Variants in ERCC2 observed in about 807,000 individuals in gnomAD.
ERCC2 encodes general transcription and DNA repair factor IIH helicase subunit XPD.
A neutral mutation model predicts 99.4 loss-of-function variants in ERCC2; 90 were observed. The ratio of observed to expected loss-of-function variants is 0.91; its 90% CI spans 0.76 to 1.08. The LOEUF is 1.08. ERCC2 is among the 50% of genes least tolerant of loss of function. The probability of loss-of-function intolerance (pLI) is 0.00; values close to 1 mark genes in which losing one functional copy is unlikely to be tolerated. For missense variants in ERCC2, 993 were observed against 1,038.1 expected (o/e 0.96, Z 0.60); for synonymous variants, 497 against 432.4 (o/e 1.15, Z -1.85).
chr19:45,355,544 G>A, intron 16 of ERCC2, 121 bp downstream of exon 16: 1 of 941,466 alleles, frequency 1.1e-6, no homozygotes, highest in South Asian at 1.3e-5. Flanking sequence ...CGGGCAAGAA[G>A]GAAACTCTGG....
rs1189623081 is a variant in ERCC2 at position 45,351,045 on chromosome 19, G to A, written c.*584C>T. The A allele has an allele frequency of 6.2e-7, 1 of 1,613,920 alleles. No homozygotes were observed. The highest frequency in any genetic ancestry group is 1.3e-5 in the African/African-American group (1 of 74,922). ...GAGGGGGACATCTGGGTCAAAAATA[G>A]AGGAGGCCATGTGGGTAGGTGCAGA... On this transcript the variant is annotated 3_prime_UTR_variant, in exon 23 of 23. Transcript: ENST00000391945.
At chr19:45,359,359 C>T (rs776356716) in intron 12 of ERCC2, among the ~76,000 whole-genome samples, 7 of 152,136 alleles carry the variant, frequency 4.6e-5, no homozygotes, top group East Asian at 1.9e-4. Flanking sequence ...AGCAGCCAGC[C>T]GGCCTCGCTA....
In ERCC2 at chr19:45,351,187, G is replaced by A. The variant is rs1483972960; in HGVS notation, c.*442C>T. The A allele has an allele frequency of 4.4e-6, 7 of 1,585,654 alleles. No homozygotes were observed. The highest frequency in any genetic ancestry group is 6.0e-6 in the Non-Finnish European group (7 of 1,165,590). Reference sequence around the variant, plus strand: ...GTTTTACTTGGGGTAGAGGCGAGGGGGTTGGATAGTTGGCTGCCAGGCTGG... The same window carrying A: ...GTTTTACTTGGGGTAGAGGCGAGGGAGTTGGATAGTTGGCTGCCAGGCTGG... On this transcript the variant is annotated 3_prime_UTR_variant, in exon 23 of 23. Transcript: ENST00000391945.
In ERCC2 at chr19:45,352,739, T is replaced by C. The variant is rs764945598; in HGVS notation, c.1902+7A>G. The C allele has an allele frequency of 8.7e-6, 14 of 1,613,974 alleles. No individual in the cohort carries two copies. The highest frequency in any genetic ancestry group is 1.2e-5 in the Non-Finnish European group (14 of 1,179,938). ...TGTGGGACTCCCTGGGAGACAGAGC[T>C]ACTCACCTTGAGAATGCGGCTCTGT... On this transcript the variant is annotated splice_region_variant and intron_variant, in intron 20 of 22. Coordinates refer to ENST00000391945, the MANE Select transcript of ERCC2 (RefSeq NM_000400.4).
intron 12 of ERCC2, among the ~76,000 whole-genome samples, chr19:45,361,107 G>GC: frequency 6.7e-6 from 1 of 149,752 alleles, no homozygotes; most frequent in Non-Finnish European, 1.5e-5. Flanking sequence ...CTCCAGCCTG[G>GC]CAACAGAGCA....
Position 45,353,073 on chromosome 19 carries a change from G to A in ERCC2, c.1831+10C>T, listed in dbSNP as rs1165860112. The A allele has an allele frequency of 6.2e-7, 1 of 1,611,268 alleles. No individual in the cohort carries two copies. The highest frequency in any genetic ancestry group is 1.7e-5 in the Admixed American group (1 of 60,004). The stretch of plus-strand genomic sequence containing the variant: ...AAGACACCTGGGGAGGAAGAGCCCA[G>A]TCCACTCACCAAAGTCGATTCCCTC... On this transcript the variant is annotated intron_variant, in intron 19 of 22. Transcript: ENST00000391945.
intron 2 of ERCC2, among the ~76,000 whole-genome samples, chr19:45,369,841 A>G (rs1972545604): frequency 6.6e-6 from 1 of 151,898 alleles, no homozygotes; most frequent in Admixed American, 6.6e-5. Flanking sequence ...ACACCTGGCT[A>G]ATTTTTGTAT....
In ERCC2 at chr19:45,349,889, C is replaced by T. The variant is rs1426936919; in HGVS notation, c.*1740G>A. 22 of 470,784 alleles carry T rather than the reference C, an allele frequency of 4.7e-5. No homozygotes were observed. The highest frequency in any genetic ancestry group is 1.9e-4 in the South Asian group (6 of 31,240). 29.2% of individuals were successfully genotyped at this position (470,784 alleles called of 1,614,324 possible). ...ACTGTGGCCGGCTCCCCTCTTAGCC[C>T]GGTCCCCACATCGCTAGTTCTTATA... On this transcript the variant is annotated 3_prime_UTR_variant, in exon 23 of 23. Coordinates refer to ENST00000391945, the MANE Select transcript of ERCC2 (RefSeq NM_000400.4).
intron 22 of ERCC2, among the ~76,000 whole-genome samples, 155 bp downstream of exon 22, chr19:45,352,054 C>G (rs1270335414): frequency 6.6e-6 from 1 of 152,164 alleles, no homozygotes; most frequent in Admixed American, 6.5e-5. Flanking sequence ...TCCCCCTTCC[C>G]CCCAGAGCCT....
intron 2 of ERCC2, 136 bp downstream of exon 2, chr19:45,369,997 A>T (rs1254893370): frequency 2.6e-6 from 2 of 757,854 alleles, no homozygotes; most frequent in Non-Finnish European, 4.3e-6. Flanking sequence ...ATTGTTTTAG[A>T]TAACGGAAGA....
Position 45,350,632 on chromosome 19 carries a change from C to T in ERCC2, c.*997G>A. 6.2e-7 allele frequency: 1 copy of T among 1,613,270 alleles called. No homozygotes were observed. The highest frequency in any genetic ancestry group is 8.5e-7 in the Non-Finnish European group (1 of 1,179,400). ...GGGGGACTGAGCAGCATCCCCGGCC[C>T]CTCCCCAGGCCCTTCGCCGCAGCAG... On this transcript the variant is annotated 3_prime_UTR_variant, in exon 23 of 23. Transcript: ENST00000391945.
At chr19:45,361,452 C>T in intron 12 of ERCC2, 72 bp downstream of exon 12, 1 of 1,113,258 alleles carries the variant, frequency 9.0e-7, no homozygotes, top group Non-Finnish European at 1.4e-6. Context: ...TGCCAACAAC[C>T]CTCTAGACCC....
Position 45,370,548 on chromosome 19 carries a change from G to A in ERCC2, c.-8C>T, listed in dbSNP as rs200753327. 25 of 1,593,064 alleles carry A rather than the reference G, an allele frequency of 1.6e-5. 1 individual carries two copies. The highest frequency in any genetic ancestry group is 1.7e-4 in the Middle Eastern group (1 of 5,894). ...GCCCCCTTCTCACTTCATGGCGCCG[G>A]CCGGACTGTGCAGCGGGGTCGACCC... is the stretch of plus-strand genomic sequence containing the variant. On this transcript the variant is annotated 5_prime_UTR_variant, in exon 1 of 23. Transcript: ENST00000391945.
Position 45,355,693 on chromosome 19 carries a change from G to T in ERCC2, c.1515C>A (p.Ser505Arg). 3 of 1,614,226 alleles carry T rather than the reference G, an allele frequency of 1.9e-6. No individual in the cohort carries two copies. Among genetic ancestry groups the T allele is most frequent in the Non-Finnish European group, 2.5e-6 (3 of 1,180,042 alleles). The change falls in exon 16 of 23, where the codon AGC becomes AGA. Residue 505 changes from serine to arginine, a missense_variant. Physicochemically the swap from Ser to Arg is moderately radical, Grantham distance 110 (BLOSUM62 -1). Transcript: ENST00000391945. ...IGRGNDQVAI[S>R]SKFETREDIA... is the part of the protein sequence containing the mutation. ...TATCCTCCCGGGTCTCAAATTTGGAGCTGATGGCCACCTGGTCATTGCCAC... is the reference window on the plus strand; with the variant it reads ...TATCCTCCCGGGTCTCAAATTTGGATCTGATGGCCACCTGGTCATTGCCAC...
intron 5 of ERCC2, among the ~76,000 whole-genome samples, chr19:45,365,824 TTACAAC>T (rs1275883770): frequency 5.3e-5 from 8 of 152,082 alleles, no homozygotes; most frequent in East Asian, 1.9e-4. Flanking sequence ...TGTTACATTC[TTACAAC>T]TACAAGTTAT....
intron 12 of ERCC2, chr19:45,359,083 A>G: frequency 1.7e-6 from 1 of 596,832 alleles, no homozygotes; most frequent in Non-Finnish European, 3.0e-6. Context: ...GATAGTGATG[A>G]CTGAGAGTGG....
At position 45,364,387 on chromosome 19, in the gene ERCC2, G is replaced by A. The variant is rs201035319; in HGVS notation, c.718+37C>T. 7 of 1,613,900 alleles carry A rather than the reference G, an allele frequency of 4.3e-6. No homozygotes were observed. The East Asian group carries it at 1.1e-4, about 26-fold the overall frequency. On this transcript the variant is annotated intron_variant, in intron 8 of 22. Coordinates refer to ENST00000391945, the MANE Select transcript of ERCC2 (RefSeq NM_000400.4). ...AGGCCTGCAGGGGCCTCACTCAGAG[G>A]GGCTGGCATCCCTTTGGCCCCTGGC...
chr19:45,361,744 C>A lies in ERCC2; in HGVS notation c.1119-102G>T, dbSNP rs171140. On this transcript the variant is annotated intron_variant, in intron 11 of 22. Coordinates refer to ENST00000391945, the MANE Select transcript of ERCC2 (RefSeq NM_000400.4). ...GACGGTCACGTGCCTGTCTCCCCAG[C>A]CAATGAGCACTCAGTGAGGGTGGGC... 501,102 of 868,646 alleles carry A rather than the reference C, an allele frequency of 0.58. 147,608 individuals are homozygous for A. Among genetic ancestry groups the A allele is most frequent in the African/African-American group, 0.86 (52,107 of 60,534 alleles). 53.8% of individuals were successfully genotyped at this position (868,646 alleles called of 1,614,324 possible). A position where few individuals can be genotyped will look rare whatever the true frequency, so the allele number is the denominator to read the frequency against.
In ERCC2 at chr19:45,350,532, C is replaced by CA. The variant is rs1350525223; in HGVS notation, c.*1096dup. 1 of 1,613,976 alleles carries CA rather than the reference C, an allele frequency of 6.2e-7. No individual in the cohort carries two copies. The highest frequency in any genetic ancestry group is 1.1e-5 in the South Asian group (1 of 91,060). On this transcript the variant is annotated 3_prime_UTR_variant, in exon 23 of 23. Coordinates refer to ENST00000391945, the MANE Select transcript of ERCC2 (RefSeq NM_000400.4). The stretch of plus-strand genomic sequence containing the variant: ...CCCCTAGGTGCCCCCAACACAGGCA[C>CA]AGCTGGTGACGCAGAACAGGTGAGG...
Sources: gnomAD v4.1 joint callset for allele counts (sites outside exome capture counted in the v4.1 genomes callset) on GRCh38, gnomAD v4.1.1 for gene constraint, MANE v1.5 for transcripts, NCBI Gene and HGNC (gene_info 2026-07-23, HGNC 2026-07-21) for gene names.